Variants in STOX2 observed in about 807,000 individuals in gnomAD.
STOX2 encodes the protein storkhead-box protein 2.
Under a neutral mutation model 60.9 loss-of-function variants are expected in STOX2, and 28 were observed. The observed-to-expected ratio is 0.46, with a 90% CI of 0.34 to 0.63. The LOEUF (loss-of-function observed/expected upper bound fraction) is 0.63, where lower values mean the gene tolerates loss of function less well. STOX2 is among the 30% of genes least tolerant of loss of function. The probability of loss-of-function intolerance (pLI) is 0.01; values close to 1 mark genes in which losing one functional copy is unlikely to be tolerated. For synonymous variants in STOX2, 472 were observed against 463.9 expected (o/e 1.02, Z -0.22); for missense variants, 1,024 against 1,187.7 (o/e 0.86, Z 2.03).
Position 183,821,399 on chromosome 4 carries a change from C to G in STOX2, c.364+23344C>G, listed in dbSNP as rs1322548657. Among the ~76,000 whole-genome samples the G allele has an allele frequency of 6.6e-6, 1 of 152,254 alleles. No homozygotes were observed. Among genetic ancestry groups the G allele is most frequent in the Admixed American group, 6.5e-5 (1 of 15,284 alleles). On this transcript the variant is annotated intron_variant, in intron 1 of 2. Transcript: ENST00000513034. The surrounding 1 kb of genome is among the most constrained non-coding windows in gnomAD (Gnocchi z 4.2). ...ATAAAGAACAAACGAAAGCATTACA[C>G]TGATATTATTCATGCCAGAGCACAG...
At chr4:183,822,966 T>G (rs1031631148) in intron 1 of STOX2, among the ~76,000 whole-genome samples, 2 of 152,240 alleles carry the variant, frequency 1.3e-5, no homozygotes, top group East Asian at 3.8e-4. Context: ...ATGGCTCTCC[T>G]AGCCTTCCTG....
At chr4:183,979,590 A>T (rs1732575872) in intron 1 of STOX2, among the ~76,000 whole-genome samples, 4 of 152,156 alleles carry the variant, frequency 2.6e-5, no homozygotes, top group African/African-American at 4.8e-5. Flanking sequence ...TTGAAATAAT[A>T]TTTTATTATT....
intron 1 of STOX2, among the ~76,000 whole-genome samples, chr4:183,886,689 G>T (rs35992946): frequency 2.0e-5 from 3 of 152,068 alleles, no homozygotes; most frequent in Non-Finnish European, 4.4e-5. Flanking sequence ...GTAAGAAAAA[G>T]ACCAGGTCTT....
Position 184,023,447 on chromosome 4 carries a change from A to G in STOX2, c.*6163A>G, listed in dbSNP as rs1198732209. On this transcript the variant is annotated 3_prime_UTR_variant, in exon 4 of 4. Coordinates refer to ENST00000308497, the MANE Select transcript of STOX2 (RefSeq NM_020225.3). The stretch of plus-strand genomic sequence containing the variant: ...CCCTCCCTATGGTGATACTGTGTTC[A>G]TGTTGTTTATGTAGTGTTGTGTGAA... 6.6e-6 allele frequency: 1 copy of G among 152,144 alleles called. No individual in the cohort carries two copies. The highest frequency in any genetic ancestry group is 6.5e-5 in the Admixed American group (1 of 15,280). The allele number at this position is 152,144 out of a possible 1,614,324, so 9.4% of individuals were successfully genotyped here.
intron 1 of STOX2, among the ~76,000 whole-genome samples, chr4:183,956,859 C>T (rs1743265308): frequency 6.6e-6 from 1 of 151,814 alleles, no homozygotes; most frequent in East Asian, 1.9e-4. Flanking sequence ...TCGAGCATTA[C>T]AGGCCAATTG....
upstream of STOX2, among the ~76,000 whole-genome samples, chr4:183,904,901 A>C (rs1741545045): frequency 6.6e-6 from 1 of 152,244 alleles, no homozygotes; most frequent in African/African-American, 2.4e-5. Flanking sequence ...TGTTAGAAGC[A>C]TATCCCTATA....
intron 1 of STOX2, among the ~76,000 whole-genome samples, chr4:183,866,135 C>T (rs1002622803): frequency 6.6e-6 from 1 of 152,054 alleles, no homozygotes; most frequent in Admixed American, 6.5e-5. Context: ...TAATTCTTTG[C>T]GGTGAAGGAA....
rs189060230 is a variant in STOX2 at position 183,838,726 on chromosome 4, C to G, written c.364+40671C>G. On this transcript the variant is annotated intron_variant, in intron 1 of 2. Transcript: ENST00000513034. Reference sequence around the variant, plus strand: ...GGTTTTGGCCTCTCTCTGCAGCCCCCACTTGGGGCACCCATTGTGGATGGG... The same window carrying G: ...GGTTTTGGCCTCTCTCTGCAGCCCCGACTTGGGGCACCCATTGTGGATGGG... Among the ~76,000 whole-genome samples, 23 of 152,308 alleles carry G rather than the reference C, an allele frequency of 1.5e-4. No individual in the cohort carries two copies. In the East Asian group the frequency reaches 3.9e-3, roughly 26 times the overall value.
rs201528552 is a variant in STOX2 at position 183,932,335 on chromosome 4, CAGTATATGTATGTATACATACA to C, written c.166+25380_166+25401del. On this transcript the variant is annotated intron_variant, in intron 1 of 3. Transcript: ENST00000308497. The stretch of plus-strand genomic sequence containing the variant: ...CATACAGTATATGTATGTATACATA[CAGTATATGTATGTATACATACA>C]GTATATGTATGTATACATACAGTAT... Among the ~76,000 whole-genome samples the C allele has an allele frequency of 4.4e-4, 48 of 109,158 alleles. 12 individuals are homozygous for C. The highest frequency in any genetic ancestry group is 1.1e-3 in the African/African-American group (21 of 19,190). 71.6% of individuals were successfully genotyped at this position (109,158 alleles called of 152,430 possible).
intron 2 of STOX2, among the ~76,000 whole-genome samples, chr4:184,002,490 C>T (rs909746729): frequency 1.3e-5 from 2 of 152,206 alleles, no homozygotes; most frequent in African/African-American, 4.8e-5. Context: ...GAGTTGATTT[C>T]ATTCATGCCT....
At chr4:183,985,361 A>G (rs748669613) in intron 1 of STOX2, among the ~76,000 whole-genome samples, 13 of 152,242 alleles carry the variant, frequency 8.5e-5, no homozygotes, top group Non-Finnish European at 1.3e-4. Context: ...AACAGCATAC[A>G]TAAACGTGTA....
chr4:183,835,605 T>C (rs1486449225), intron 1 of STOX2, among the ~76,000 whole-genome samples: 8 of 152,174 alleles, frequency 5.3e-5, no homozygotes, highest in Non-Finnish European at 1.0e-4. Context: ...TGTCTGTCTG[T>C]TTTCAATCTC....
At chr4:183,946,904 G>A (rs1478074081) in intron 1 of STOX2, among the ~76,000 whole-genome samples, 1 of 152,096 alleles carries the variant, frequency 6.6e-6, no homozygotes, top group African/African-American at 2.4e-5. Context: ...TGGGATTACA[G>A]GTGTGAGCCA....
intron 1 of STOX2, among the ~76,000 whole-genome samples, chr4:183,842,664 A>G (rs1739889601): frequency 6.6e-6 from 1 of 152,096 alleles, no homozygotes; most frequent in Non-Finnish European, 1.5e-5. Context: ...TTGGCTGCCT[A>G]TGTTTCATTT....
chr4:183,968,574 AG>A (rs768577240), intron 1 of STOX2, among the ~76,000 whole-genome samples: 33 of 152,208 alleles, frequency 2.2e-4, no homozygotes, highest in Non-Finnish European at 4.4e-4. Flanking sequence ...ACCTGCTCCC[AG>A]GTGACCAGCC....
At chr4:184,006,579 C>T (rs553083572) in intron 2 of STOX2, among the ~76,000 whole-genome samples, 8 of 145,776 alleles carry the variant, frequency 5.5e-5, no homozygotes, top group Non-Finnish European at 5.9e-5. Context: ...CCCAGCTACT[C>T]GAAAAACTGA....
At chr4:183,966,223 G>C (rs1399637535) in intron 1 of STOX2, among the ~76,000 whole-genome samples, 3 of 152,212 alleles carry the variant, frequency 2.0e-5, no homozygotes, top group Non-Finnish European at 4.4e-5. Flanking sequence ...GGGGCACATA[G>C]CTGGGGAAGA....
chr4:183,810,620 G>C (rs1739013120), intron 1 of STOX2, among the ~76,000 whole-genome samples: 1 of 152,204 alleles, frequency 6.6e-6, no homozygotes, highest in African/African-American at 2.4e-5. Flanking sequence ...GGAACTGTAA[G>C]AGGTGATTAG....
intron 1 of STOX2, among the ~76,000 whole-genome samples, chr4:183,978,275 A>G (rs1732518470): frequency 6.6e-6 from 1 of 152,202 alleles, no homozygotes; most frequent in Non-Finnish European, 1.5e-5. Context: ...TAATTTTTGT[A>G]TATGGAGTGG....
Sources: allele counts gnomAD v4.1 joint callset (sites outside exome capture counted in the v4.1 genomes callset), GRCh38; gene constraint gnomAD v4.1.1; non-coding constraint Gnocchi (gnomAD v3.1); transcripts MANE v1.5; gene names NCBI Gene and HGNC (gene_info 2026-07-23, HGNC 2026-07-21).